The following SLCO3A1 variants were observed in gnomAD, a reference collection of about 807,000 sequenced individuals.
SLCO3A1 encodes the protein PGE1 transporter.
SLCO3A1 carries 27 observed loss-of-function variants against 63.1 expected under a neutral mutation model. The ratio of observed to expected loss-of-function variants is 0.43; its 90% CI spans 0.32 to 0.59. The LOEUF is 0.59. Ranked by LOEUF, SLCO3A1 falls within the 20% of genes least tolerant of loss-of-function variation. SLCO3A1 has a pLI of 0.09. For synonymous variants in SLCO3A1, 473 were observed against 409.9 expected, an observed-to-expected ratio of 1.15 and a Z score of -1.86; for missense variants, 773 against 945.8, an observed-to-expected ratio of 0.82 and a Z score of 2.40.
chr15:92,044,010 C>G (rs1346840100), intron 2 of SLCO3A1, among the ~76,000 whole-genome samples: 1 of 152,186 alleles, frequency 6.6e-6, no homozygotes, highest in African/African-American at 2.4e-5. Context: ...GAACTTTTCT[C>G]TAGACCCAGC....
At chr15:91,877,972 C>G (rs1368477874) in intron 1 of SLCO3A1, among the ~76,000 whole-genome samples, 1 of 151,968 alleles carries the variant, frequency 6.6e-6, no homozygotes, top group African/African-American at 2.4e-5. Context: ...TCAGGGCTTT[C>G]CTTAGGTGAG....
chr15:92,005,990 G>A lies in SLCO3A1; in HGVS notation c.647-88891G>A, dbSNP rs144602190. Among the ~76,000 whole-genome samples, 14 of 152,240 alleles carry A rather than the reference G, an allele frequency of 9.2e-5. No individual in the cohort carries two copies. In the South Asian group the frequency reaches 1.7e-3, roughly 18 times the overall value. ...ATTGCACCCAGTGAGGGTTAAAAAC[G>A]TCTTGTATGTGAAAGGAGATAATGC... On this transcript the variant is annotated intron_variant, in intron 2 of 9. Coordinates refer to ENST00000318445, the MANE Select transcript of SLCO3A1 (RefSeq NM_013272.4).
At chr15:91,880,387 C>CTGTGTGTG (rs1202128572) in intron 1 of SLCO3A1, among the ~76,000 whole-genome samples, 8 of 121,402 alleles carry the variant, frequency 6.6e-5, no homozygotes, top group African/African-American at 3.5e-4. Flanking sequence ...GTGCTTCTCT[C>CTGTGTGTG]TCTCTCTCTC....
At chr15:91,869,106 A>G (rs1416057244) in intron 1 of SLCO3A1, among the ~76,000 whole-genome samples, 3 of 152,214 alleles carry the variant, frequency 2.0e-5, no homozygotes, top group Admixed American at 6.5e-5. Flanking sequence ...CTTCTAATTA[A>G]GAATCCACTG....
intron 2 of SLCO3A1, among the ~76,000 whole-genome samples, chr15:91,985,516 C>T (rs2046040815): frequency 6.6e-6 from 1 of 152,136 alleles, no homozygotes; most frequent in Non-Finnish European, 1.5e-5. Flanking sequence ...GAGGTATGTT[C>T]ATTGTTAGTA....
chr15:91,971,983 A>G (rs553350810), intron 2 of SLCO3A1, among the ~76,000 whole-genome samples: 3 of 152,258 alleles, frequency 2.0e-5, no homozygotes, highest in Admixed American at 1.3e-4. Flanking sequence ...TTCCTTACCA[A>G]TGAGCATTTC....
At chr15:92,090,818 G>A (rs1320163347) in intron 2 of SLCO3A1, among the ~76,000 whole-genome samples, 1 of 152,160 alleles carries the variant, frequency 6.6e-6, no homozygotes, top group African/African-American at 2.4e-5. Flanking sequence ...CCTTCCCTGG[G>A]TCTTTCTGTA....
intron 2 of SLCO3A1, among the ~76,000 whole-genome samples, chr15:91,973,277 C>T (rs1189755125): frequency 6.6e-6 from 1 of 152,214 alleles, no homozygotes; most frequent in Non-Finnish European, 1.5e-5. Flanking sequence ...CCAGGCACTT[C>T]ACACTGGATG....
At chr15:92,018,161 C>T (rs967088418) in intron 2 of SLCO3A1, among the ~76,000 whole-genome samples, 9 of 152,116 alleles carry the variant, frequency 5.9e-5, no homozygotes, top group South Asian at 2.1e-4. Flanking sequence ...GGCCTTGGGG[C>T]GGTGACGGGG....
Position 92,052,021 on chromosome 15 carries a change from G to A in SLCO3A1, c.647-42860G>A, listed in dbSNP as rs139165707. 2.3e-3 allele frequency among the ~76,000 whole-genome samples: 354 copies of A among 152,204 alleles called. 1 individual carries two copies. The highest frequency in any genetic ancestry group is 3.3e-3 in the Non-Finnish European group (225 of 68,008). ...ACAGCTTTTGAGTAAAGCAGGCTCC[G>A]GTCTCCTAATCCCCGGGCTCCAGGG... On this transcript the variant is annotated intron_variant, in intron 2 of 9. Transcript: ENST00000318445.
At chr15:92,113,283 C>T (rs1166909872) in intron 4 of SLCO3A1, among the ~76,000 whole-genome samples, 2 of 152,060 alleles carry the variant, frequency 1.3e-5, no homozygotes, top group Admixed American at 6.6e-5. Flanking sequence ...CAGACACTTG[C>T]TTCGTGCTTT....
chr15:92,145,289 G>A (rs1201986082), intron 7 of SLCO3A1, among the ~76,000 whole-genome samples: 2 of 152,218 alleles, frequency 1.3e-5, no homozygotes, highest in African/African-American at 4.8e-5. Context: ...TGTGATGCTG[G>A]GGAGGAGTGG....
rs1185615587 is a variant in SLCO3A1, at chr15:91,883,601, G to T, written c.180+29513G>T. Among the ~76,000 whole-genome samples, 2 of 152,124 alleles carry T rather than the reference G, an allele frequency of 1.3e-5. No homozygotes were observed. The highest frequency in any genetic ancestry group is 4.8e-5 in the African/African-American group (2 of 41,402). On this transcript the variant is annotated intron_variant, in intron 1 of 9. Transcript: ENST00000318445. The surrounding 1 kb of genome is among the most constrained non-coding windows in gnomAD (Gnocchi z 4.8). The stretch of plus-strand genomic sequence containing the variant: ...ATTATATACCCTGAAAGTGGCTGTG[G>T]GTTATAAATTCCAAGTTGTGATTTA...
intron 4 of SLCO3A1, among the ~76,000 whole-genome samples, chr15:92,110,465 G>T (rs997573218): frequency 2.6e-5 from 4 of 152,030 alleles, no homozygotes; most frequent in African/African-American, 9.7e-5. Context: ...TGCCAGTCAT[G>T]CCCTGTTCCC....
chr15:92,105,157 T>C (rs2047652584), intron 4 of SLCO3A1, among the ~76,000 whole-genome samples: 1 of 151,966 alleles, frequency 6.6e-6, no homozygotes, highest in South Asian at 2.1e-4. Flanking sequence ...TCCCAGCTAC[T>C]CGGGAGGCTG....
At position 92,047,575 on chromosome 15, in the gene SLCO3A1, T is replaced by TATAA. The variant is rs1567087954; in HGVS notation, c.647-47303_647-47302insAATA. The stretch of plus-strand genomic sequence containing the variant: ...AAATATATAAATATATATATAAATA[T>TATAA]ATATATAATATATATATAATATATA... On this transcript the variant is annotated intron_variant, in intron 2 of 9. Transcript: ENST00000318445. Among the ~76,000 whole-genome samples the TATAA allele has an allele frequency of 1.0e-3, 22 of 21,530 alleles. 7 individuals carry two copies. The highest frequency in any genetic ancestry group is 3.2e-3 in the Admixed American group (2 of 628). 14.1% of individuals were successfully genotyped at this position (21,530 alleles called of 152,430 possible).
At chr15:92,134,197 T>C (rs536522591) in intron 7 of SLCO3A1, among the ~76,000 whole-genome samples, 5 of 152,364 alleles carry the variant, frequency 3.3e-5, no homozygotes, top group African/African-American at 1.2e-4. Context: ...GTTTCCTGTC[T>C]GGTTCCAAAG....
intron 2 of SLCO3A1, among the ~76,000 whole-genome samples, chr15:91,959,649 G>C (rs988674754): frequency 1.3e-5 from 2 of 149,778 alleles, no homozygotes; most frequent in Non-Finnish European, 3.0e-5. Context: ...GCTTGAACCT[G>C]GGAGGAGGAG....
Position 91,912,437 on chromosome 15 carries a change from G to A in SLCO3A1, c.181-3556G>A, listed in dbSNP as rs1898516022. On this transcript the variant is annotated intron_variant, in intron 1 of 9. Transcript: ENST00000318445. The surrounding 1 kb of genome is among the most constrained non-coding windows in gnomAD (Gnocchi z 5.0). ...TCCTGTCACCCCTGTGCGTTGCTCT[G>A]CAAAGAGCAGGTGGGAGCCAGGACA... is the stretch of plus-strand genomic sequence containing the variant. 1.3e-5 allele frequency among the ~76,000 whole-genome samples: 2 copies of A among 152,202 alleles called. No individual in the cohort carries two copies. Among genetic ancestry groups the A allele is most frequent in the Admixed American group, 6.5e-5 (1 of 15,282 alleles).
Sources: gnomAD v4.1 joint callset for allele counts (sites outside exome capture counted in the v4.1 genomes callset) on GRCh38, gnomAD v4.1.1 for gene constraint, Gnocchi (gnomAD v3.1) non-coding constraint, MANE v1.5 for transcripts, NCBI Gene and HGNC (gene_info 2026-07-23, HGNC 2026-07-21) for gene names.